EPN2: variants seen among roughly 807,000 people sequenced by gnomAD.
The protein encoded by EPN2 is epsin 2.
EPN2 carries 34 observed loss-of-function variants against 61.7 expected under a neutral mutation model. The ratio of observed to expected loss-of-function variants is 0.55; its 90% CI spans 0.42 to 0.73. EPN2 has a LOEUF of 0.73. Among genes scored for constraint, EPN2 ranks in the 30% least tolerant of loss-of-function variants. The pLI, the probability that EPN2 is intolerant of heterozygous loss-of-function variation, is 0.00. For synonymous variants in EPN2, 349 were observed against 353.6 expected (o/e 0.99, Z 0.15); for missense variants, 714 against 839.2 (o/e 0.85, Z 1.84).
chr17:19,269,705 T>C (rs2045235139), intron 1 of EPN2, among the ~76,000 whole-genome samples: 1 of 152,212 alleles, frequency 6.6e-6, no homozygotes, highest in African/African-American at 2.4e-5. Flanking sequence ...GAATGCCAGG[T>C]TCTGTCCTGG....
intron 4 of EPN2, among the ~76,000 whole-genome samples, chr17:19,295,358 A>ACGTG (rs559120143): frequency 1.5e-5 from 1 of 66,690 alleles, no homozygotes; most frequent in African/African-American, 4.0e-5. Flanking sequence ...ACACACACAC[A>ACGTG]CACACACACG....
chr17:19,319,893 C>T (rs1470352876), intron 7 of EPN2, among the ~76,000 whole-genome samples: 3 of 152,236 alleles, frequency 2.0e-5, no homozygotes, highest in African/African-American at 7.2e-5. Context: ...ATCCACCCGC[C>T]TCGGCCTCCC....
chr17:19,320,391 A>G (rs985500108), intron 7 of EPN2, among the ~76,000 whole-genome samples: 2 of 152,180 alleles, frequency 1.3e-5, no homozygotes, highest in African/African-American at 2.4e-5. Flanking sequence ...GCTTGTCTCC[A>G]CCACGCATCT....
intron 4 of EPN2, among the ~76,000 whole-genome samples, chr17:19,286,724 T>G (rs1246278403): frequency 6.6e-6 from 1 of 152,342 alleles, no homozygotes; most frequent in East Asian, 1.9e-4. Flanking sequence ...GGTATTTGTG[T>G]AATAACTATA....
intron 4 of EPN2, chr17:19,308,440 C>T (rs1598012883): frequency 2.0e-6 from 2 of 985,376 alleles, no homozygotes; most frequent in Non-Finnish European, 2.4e-6. Context: ...CATCTGTCGA[C>T]CTGTGCATGC....
intron 7 of EPN2, among the ~76,000 whole-genome samples, chr17:19,323,795 T>G (rs1484013093): frequency 1.3e-5 from 2 of 152,266 alleles, no homozygotes; most frequent in Non-Finnish European, 2.9e-5. Context: ...CCCAGAATTC[T>G]GTATTCAGTG....
intron 8 of EPN2, 83 bp downstream of exon 8, chr17:19,328,970 G>A: frequency 7.6e-7 from 1 of 1,311,728 alleles, no homozygotes; most frequent in Non-Finnish European, 1.1e-6. Flanking sequence ...CTAGGCATCA[G>A]CCCTGTTGCT....
chr17:19,294,254 C>CCA (rs1555600444), intron 4 of EPN2, among the ~76,000 whole-genome samples: 8 of 144,664 alleles, frequency 5.5e-5, no homozygotes, highest in African/African-American at 2.0e-4. Context: ...CCCATCGCTA[C>CCA]AAAAAAAAAA....
At chr17:19,289,812 C>T (rs557987333) in intron 4 of EPN2, among the ~76,000 whole-genome samples, 5 of 145,722 alleles carry the variant, frequency 3.4e-5, no homozygotes, top group South Asian at 2.3e-4. Flanking sequence ...CTGCAACCTC[C>T]GCCTAGCTGG....
intron 6 of EPN2, chr17:19,312,763 A>C: frequency 3.6e-6 from 1 of 279,808 alleles, no homozygotes; most frequent in Non-Finnish European, 6.8e-6. Context: ...GAGGGCCCTC[A>C]GGCTGGCCCT....
chr17:19,246,767 CTTTTTTTTTT>C (rs377094702), intron 1 of EPN2, among the ~76,000 whole-genome samples: 1 of 109,550 alleles, frequency 9.1e-6, no homozygotes, highest in African/African-American at 3.7e-5. Flanking sequence ...CCCTGTGTGC[CTTTTTTTTTT>C]TTTTTTTTTG....
At chr17:19,299,710 A>T (rs761571126) in intron 4 of EPN2, among the ~76,000 whole-genome samples, 2 of 152,212 alleles carry the variant, frequency 1.3e-5, no homozygotes, top group Non-Finnish European at 2.9e-5. Flanking sequence ...GATTTGACTC[A>T]TGCAGACAAA....
chr17:19,334,116 G>A lies in EPN2; in HGVS notation c.1788G>A (p.Ala596=), dbSNP rs371929384. The A allele has an allele frequency of 2.5e-5, 40 of 1,607,856 alleles. No homozygotes were observed. Among genetic ancestry groups the A allele is most frequent in the Non-Finnish European group, 3.3e-5 (39 of 1,177,218 alleles). ...ESMAVASMTS[A]APQPALGATG... ...TGGCTGTGGCCTCGATGACCTCCGC[G>A]GCCCCACAGCCAGCTCTGGGGGCCA... The change falls in exon 11 of 11, where the codon GCG becomes GCA. Residue 596 remains alanine, a synonymous_variant. Coordinates refer to ENST00000314728, the MANE Select transcript of EPN2 (RefSeq NM_014964.5). This position sits in a 1 kb window ranked among gnomAD's most constrained non-coding sequence, Gnocchi z 4.9.
chr17:19,304,933 A>G (rs1299990648), intron 4 of EPN2, among the ~76,000 whole-genome samples: 4 of 152,132 alleles, frequency 2.6e-5, no homozygotes. Flanking sequence ...GAGTTGTCAG[A>G]CATGCCTGTG....
chr17:19,332,169 G>T, intron 10 of EPN2, 101 bp downstream of exon 10: 2 of 884,958 alleles, frequency 2.3e-6, no homozygotes, highest in Admixed American at 2.1e-5. Context: ...CGGGGAAGGG[G>T]TGGGACTAGC....
chr17:19,284,335 C>CTTA (rs2045384714), intron 3 of EPN2, among the ~76,000 whole-genome samples: 1 of 152,148 alleles, frequency 6.6e-6, no homozygotes, highest in Non-Finnish European at 1.5e-5. Flanking sequence ...GGGTCTTTGC[C>CTTA]TTATGGTCAG....
At chr17:19,279,436 C>CT (rs898923370) in intron 1 of EPN2, among the ~76,000 whole-genome samples, 13 of 151,576 alleles carry the variant, frequency 8.6e-5, no homozygotes, top group Non-Finnish European at 1.3e-4. Context: ...GAAAGTGTTC[C>CT]TTTTTTTGTT....
intron 4 of EPN2, among the ~76,000 whole-genome samples, chr17:19,301,893 T>C (rs35385494): frequency 0.018 from 2,681 of 152,328 alleles, 43 homozygotes; most frequent in Non-Finnish European, 0.028. Flanking sequence ...GAGGCCCTGC[T>C]TGGTGTGGGT....
chr17:19,324,497 C>G (rs969063929), intron 7 of EPN2, among the ~76,000 whole-genome samples: 57 of 152,234 alleles, frequency 3.7e-4, no homozygotes, highest in African/African-American at 1.1e-3. Context: ...CCACGCCCAG[C>G]TAATTTTGTA....
Sources: allele counts gnomAD v4.1 joint callset (sites outside exome capture counted in the v4.1 genomes callset), GRCh38; gene constraint gnomAD v4.1.1; non-coding constraint Gnocchi (gnomAD v3.1); transcripts MANE v1.5; gene names NCBI Gene and HGNC (gene_info 2026-07-23, HGNC 2026-07-21).